LRRC28: variants seen among roughly 807,000 people sequenced by gnomAD.
LRRC28 encodes the protein leucine-rich repeat-containing protein 28.
Under a neutral mutation model 45.7 loss-of-function variants are expected in LRRC28, and 39 were observed. That is an observed-to-expected ratio of 0.85 (90% CI 0.66 to 1.12). LRRC28 has a LOEUF of 1.12. Ranked by LOEUF, LRRC28 falls within the 50% of genes most tolerant of loss-of-function variation. The pLI is 0.00. For synonymous variants in LRRC28, 206 were observed against 178.8 expected, an observed-to-expected ratio of 1.15 and a Z score of -1.22; for missense variants, 435 against 438.5, an observed-to-expected ratio of 0.99 and a Z score of 0.07.
chr15:99,364,248 T>C (rs1233775262), intron 9 of LRRC28, among the ~76,000 whole-genome samples: 1 of 152,216 alleles, frequency 6.6e-6, no homozygotes, highest in Admixed American at 6.5e-5. Context: ...ACAGCCTGCG[T>C]GGCAGGGCCA....
chr15:99,377,631 G>T (rs1957682505), intron 9 of LRRC28, among the ~76,000 whole-genome samples: 1 of 152,092 alleles, frequency 6.6e-6, no homozygotes, highest in South Asian at 2.1e-4. Context: ...CCTATGTCCT[G>T]AATGGTATTG....
chr15:99,279,080 A>G (rs2081704368), intron 3 of LRRC28, among the ~76,000 whole-genome samples: 1 of 152,226 alleles, frequency 6.6e-6, no homozygotes, highest in South Asian at 2.1e-4. Context: ...AATCCCTGGT[A>G]ATCACTAATG....
intron 9 of LRRC28, among the ~76,000 whole-genome samples, chr15:99,375,504 TCTTC>T (rs1957602705): frequency 6.6e-6 from 1 of 152,228 alleles, no homozygotes; most frequent in South Asian, 2.1e-4. Context: ...GAAGTGTTCT[TCTTC>T]TTCTGCTTTT....
chr15:99,302,563 A>G (rs1955023036), intron 5 of LRRC28, among the ~76,000 whole-genome samples: 1 of 152,142 alleles, frequency 6.6e-6, no homozygotes, highest in Non-Finnish European at 1.5e-5. Context: ...ATTTTTTAAC[A>G]GCTTTATTGA....
At chr15:99,321,268 C>T (rs1955785345) in intron 5 of LRRC28, among the ~76,000 whole-genome samples, 1 of 152,076 alleles carries the variant, frequency 6.6e-6, no homozygotes, top group African/African-American at 2.4e-5. Context: ...TCTTGAAGGG[C>T]AATATTTATT....
intron 5 of LRRC28, 127 bp from the exon 6 acceptor site, chr15:99,333,796 G>T (rs1956231336): frequency 1.0e-6 from 1 of 963,076 alleles, no homozygotes; most frequent in South Asian, 1.6e-5. Flanking sequence ...CTGCACTTCA[G>T]CATTCATGTT....
intron 5 of LRRC28, among the ~76,000 whole-genome samples, chr15:99,324,398 C>A (rs1955900691): frequency 1.3e-5 from 2 of 152,108 alleles, no homozygotes; most frequent in African/African-American, 4.8e-5. Flanking sequence ...TGTTCTCAAC[C>A]CAGTGTGCTC....
intron 6 of LRRC28, among the ~76,000 whole-genome samples, chr15:99,345,069 T>C (rs1213635862): frequency 6.6e-6 from 1 of 152,176 alleles, no homozygotes; most frequent in Admixed American, 6.5e-5. Flanking sequence ...AGAATGCTAT[T>C]TGATAATTTG....
intron 5 of LRRC28, among the ~76,000 whole-genome samples, chr15:99,296,462 G>T (rs1282065694): frequency 6.6e-6 from 1 of 152,174 alleles, no homozygotes; most frequent in African/African-American, 2.4e-5. Flanking sequence ...AATTTTGGGT[G>T]ATTTACTCTT....
chr15:99,319,813 T>C (rs1955732935), intron 5 of LRRC28, among the ~76,000 whole-genome samples: 1 of 151,766 alleles, frequency 6.6e-6, no homozygotes, highest in Admixed American at 6.6e-5. Flanking sequence ...TTTATTTTAT[T>C]TTATTTATTT....
chr15:99,354,379 T>C (rs1409596795), intron 7 of LRRC28, among the ~76,000 whole-genome samples: 2 of 152,212 alleles, frequency 1.3e-5, no homozygotes, highest in Non-Finnish European at 2.9e-5. Context: ...TCTGCCTCTT[T>C]TATCTGTTGG....
At position 99,387,309 on chromosome 15, in the gene LRRC28, CT is replaced by C. The variant is rs1441394418; in HGVS notation, c.*1208del. On this transcript the variant is annotated 3_prime_UTR_variant, in exon 10 of 10. Coordinates refer to ENST00000301981, the MANE Select transcript of LRRC28 (RefSeq NM_144598.5). Reference sequence around the variant, plus strand: ...TCTCCTGACCTCGTGATCCGCACGCCTCGGCCTCCCAAAGTGCTGGGATTAC... The same window carrying C: ...TCTCCTGACCTCGTGATCCGCACGCCCGGCCTCCCAAAGTGCTGGGATTAC... 1 of 152,106 alleles carries C rather than the reference CT, an allele frequency of 6.6e-6. No individual in the cohort carries two copies. Among genetic ancestry groups the C allele is most frequent in the East Asian group, 1.9e-4 (1 of 5,200 alleles). 9.4% of individuals were successfully genotyped at this position (152,106 alleles called of 1,614,324 possible). A position where few individuals can be genotyped will look rare whatever the true frequency, so the allele number is the denominator to read the frequency against.
At chr15:99,378,494 G>A (rs4465590) in intron 9 of LRRC28, among the ~76,000 whole-genome samples, 23,040 of 152,048 alleles carry the variant, frequency 0.15, 1,815 homozygotes, top group African/African-American at 0.17. Context: ...AACAGGGACA[G>A]TTTGACTTCC....
Position 99,385,070 on chromosome 15 carries a change from G to C in LRRC28, c.1032-960G>C, listed in dbSNP as rs548392633. On this transcript the variant is annotated intron_variant, in intron 9 of 9. Transcript: ENST00000301981. Reference sequence around the variant, plus strand: ...CTGAAGGGCAAAGGGAGCTCTCTCTGGAGCCTGGCGAGAACCAGAGGTAGC... The same window carrying C: ...CTGAAGGGCAAAGGGAGCTCTCTCTCGAGCCTGGCGAGAACCAGAGGTAGC... Among the ~76,000 whole-genome samples, 9 of 152,318 alleles carry C rather than the reference G, an allele frequency of 5.9e-5. No homozygotes were observed. In the East Asian group the frequency reaches 7.7e-4, roughly 13 times the overall value.
intron 5 of LRRC28, among the ~76,000 whole-genome samples, chr15:99,331,000 G>A (rs1332895779): frequency 6.6e-6 from 1 of 151,772 alleles, no homozygotes; most frequent in Non-Finnish European, 1.5e-5. Context: ...ATAGGTGTGG[G>A]TCTCTGTGTT....
intron 2 of LRRC28, among the ~76,000 whole-genome samples, chr15:99,267,082 A>G (rs1250331147): frequency 6.6e-6 from 1 of 152,182 alleles, no homozygotes; most frequent in Non-Finnish European, 1.5e-5. Flanking sequence ...GAGTCAGTTA[A>G]AATAAGATGG....
intron 2 of LRRC28, among the ~76,000 whole-genome samples, chr15:99,264,439 A>G (rs997084492): frequency 2.0e-5 from 3 of 152,196 alleles, no homozygotes; most frequent in African/African-American, 7.2e-5. Flanking sequence ...GGAACTGGAC[A>G]AGCTGTTTGA....
At chr15:99,385,943 T>C in intron 9 of LRRC28, 87 bp from the exon 10 acceptor site, 1 of 1,222,034 alleles carries the variant, frequency 8.2e-7, no homozygotes. Flanking sequence ...TCCTCCATTT[T>C]AACAAAGAAA....
chr15:99,328,171 G>A (rs377326626), intron 5 of LRRC28, among the ~76,000 whole-genome samples: 5 of 152,222 alleles, frequency 3.3e-5, no homozygotes, highest in East Asian at 1.9e-4. Flanking sequence ...AAGAATGTGT[G>A]TATTCTGCTG....
Sources: gnomAD v4.1 joint callset for allele counts (sites outside exome capture counted in the v4.1 genomes callset) on GRCh38, gnomAD v4.1.1 for gene constraint, MANE v1.5 for transcripts, NCBI Gene and HGNC (gene_info 2026-07-23, HGNC 2026-07-21) for gene names.